TMC5: variants seen among roughly 807,000 people sequenced by gnomAD.
The protein encoded by TMC5 is transmembrane channel-like protein 5.
A neutral mutation model predicts 110.5 loss-of-function variants in TMC5; 86 were observed. The observed-to-expected ratio is 0.78, with a 90% CI of 0.65 to 0.93. The LOEUF is 0.93. Among genes scored for constraint, TMC5 ranks in the 40% least tolerant of loss-of-function variants. TMC5 has a pLI of 0.00. For missense variants in TMC5, 1,144 were observed against 1,222.8 expected, an observed-to-expected ratio of 0.94 and a Z score of 0.96; for synonymous variants, 455 against 439.5, an observed-to-expected ratio of 1.04 and a Z score of -0.44.
chr16:19,463,632 A>C, intron 7 of TMC5, 144 bp from the exon 8 acceptor site: 1 of 1,127,076 alleles, frequency 8.9e-7, no homozygotes. Context: ...TAGAGTTGAC[A>C]TAACATTTGT....
chr16:19,466,785 C>T (rs1968201460), intron 9 of TMC5, among the ~76,000 whole-genome samples: 1 of 152,068 alleles, frequency 6.6e-6, no homozygotes, highest in African/African-American at 2.4e-5. Flanking sequence ...GGTGCAGTTA[C>T]CCCAGCAATG....
upstream of TMC5, chr16:19,417,862 G>A (rs1432891466): frequency 1.3e-5 from 2 of 152,166 alleles, no homozygotes; most frequent in African/African-American, 2.4e-5. Flanking sequence ...GGCATAAAAC[G>A]GCAATGAGCT....
At chr16:19,413,442 T>C (rs1030679884), upstream of TMC5, among the ~76,000 whole-genome samples, 13 of 146,762 alleles carry the variant, frequency 8.9e-5, no homozygotes, top group African/African-American at 2.5e-4. Context: ...AAGAATTGCT[T>C]GAGCCCGGGA....
At chr16:19,487,151 G>A in intron 16 of TMC5, 42 bp from the exon 17 acceptor site, 1 of 1,603,796 alleles carries the variant, frequency 6.2e-7, no homozygotes, top group Non-Finnish European at 8.5e-7. Flanking sequence ...CTCTGCCGCT[G>A]CTCCGGCTGC....
At chr16:19,481,332 G>A (rs756369997) in intron 14 of TMC5, 38 bp from the exon 15 acceptor site, 3 of 1,408,124 alleles carry the variant, frequency 2.1e-6, no homozygotes, top group Non-Finnish European at 3.0e-6. Flanking sequence ...GAAAGTGGGA[G>A]TTATGGTTTG....
intron 5 of TMC5, among the ~76,000 whole-genome samples, chr16:19,455,960 C>T (rs1289120716): frequency 6.6e-6 from 1 of 152,168 alleles, no homozygotes; most frequent in Non-Finnish European, 1.5e-5. Context: ...GTAATCCCAG[C>T]ACTTTGGGAG....
chr16:19,440,281 A>G lies in TMC5; in HGVS notation c.243A>G (p.Pro81=). ...EPNYPRSLSN[P]DYSGTRSNAY... ...ATTATCCTAGATCTCTGAGTAATCC[A>G]GACTATTCTGGCACCAGAAGCAATG... Residue 81 remains proline, a synonymous_variant, in exon 3 of 22, where the codon CCA becomes CCG. Transcript: ENST00000542583. The G allele has an allele frequency of 6.2e-7, 1 of 1,614,166 alleles. No individual in the cohort carries two copies. Among genetic ancestry groups the G allele is most frequent in the Non-Finnish European group, 8.5e-7 (1 of 1,180,018 alleles).
chr16:19,446,001 C>T (rs1179032689), intron 4 of TMC5, among the ~76,000 whole-genome samples: 7 of 144,004 alleles, frequency 4.9e-5, no homozygotes, highest in Admixed American at 1.4e-4. Context: ...AGTGACAAAG[C>T]GAGACCCTGT....
At position 19,431,894 on chromosome 16, in the gene TMC5, G is replaced by A. The variant is rs539665542; in HGVS notation, c.-80+1254G>A. ...TTCCATGGTATTCCACTGTGCAGAT[G>A]TCCTGTGACTGATTCAGCCCATCCC... On this transcript the variant is annotated intron_variant, in intron 2 of 21. Coordinates refer to ENST00000542583, the MANE Select transcript of TMC5 (RefSeq NM_001261841.2). Among the ~76,000 whole-genome samples, 74 of 152,290 alleles carry A rather than the reference G, an allele frequency of 4.9e-4. 1 individual carries two copies. The South Asian group carries it at 0.013, about 27-fold the overall frequency.
rs772440996 is a variant in TMC5, at chr16:19,490,468, G to A, written c.2647G>A (p.Asp883Asn). 4.3e-6 allele frequency: 7 copies of A among 1,613,942 alleles called. No individual in the cohort carries two copies. The highest frequency in any genetic ancestry group is 4.5e-5 in the East Asian group (2 of 44,878). Residue 883 changes from aspartate (D) to asparagine (N), a missense_variant, in exon 18 of 22, where the codon GAC becomes AAC. Physicochemically the swap from Asp to Asn is conservative, Grantham distance 23 (BLOSUM62 1). Coordinates refer to ENST00000542583, the MANE Select transcript of TMC5 (RefSeq NM_001261841.2). ...CATTCACTCCATCTACAGCTGGATC[G>A]ACACCCTAAGTACACGGCCTGGCTA... ...LFIHSIYSWIDTLSTRPGYLW... is the reference protein window; with the variant it reads ...LFIHSIYSWINTLSTRPGYLW...
At position 19,492,912 on chromosome 16, in the gene TMC5, T is replaced by TTAGA. The variant is rs1555486829; in HGVS notation, c.2826+687_2826+690dup. 8.5e-4 allele frequency among the ~76,000 whole-genome samples: 47 copies of TTAGA among 55,472 alleles called. 2 individuals carry two copies. The highest frequency in any genetic ancestry group is 1.2e-3 in the Non-Finnish European group (23 of 18,658). 36.4% of individuals were successfully genotyped at this position (55,472 alleles called of 152,430 possible). On this transcript the variant is annotated intron_variant, in intron 19 of 21. Coordinates refer to ENST00000542583, the MANE Select transcript of TMC5 (RefSeq NM_001261841.2). ...TATATTATTTTTTATTTATTAAAAC[T>TTAGA]TAGATATATATATATATATATCTCT...
chr16:19,470,013 G>A (rs191800486), intron 10 of TMC5, among the ~76,000 whole-genome samples, 188 bp downstream of exon 10: 54 of 151,392 alleles, frequency 3.6e-4, no homozygotes, highest in Middle Eastern at 3.4e-3. Flanking sequence ...TCCTGCCTCA[G>A]CCTCCCGAGT....
chr16:19,439,016 T>A (rs1163469869), intron 2 of TMC5, among the ~76,000 whole-genome samples: 1 of 152,198 alleles, frequency 6.6e-6, no homozygotes, highest in Non-Finnish European at 1.5e-5. Flanking sequence ...TGGTTACAGC[T>A]CAGCATTTGC....
chr16:19,444,309 G>A, intron 4 of TMC5, 59 bp downstream of exon 4: 1 of 1,522,270 alleles, frequency 6.6e-7, no homozygotes, highest in South Asian at 1.2e-5. Context: ...ACTGGATTTA[G>A]GGGTGCAATC....
chr16:19,481,407 C>T lies in TMC5; in HGVS notation c.2305C>T (p.Gln769Ter). 1 of 1,614,098 alleles carries T rather than the reference C, an allele frequency of 6.2e-7. No individual in the cohort carries two copies. The highest frequency in any genetic ancestry group is 8.5e-7 in the Non-Finnish European group (1 of 1,179,970). The change falls in exon 15 of 22, where the codon CAG becomes TAG. Residue 769 changes from glutamine to a stop codon, truncating the protein, a stop_gained. Coordinates refer to ENST00000542583, the MANE Select transcript of TMC5 (RefSeq NM_001261841.2). LOFTEE classifies it high-confidence loss of function. Reference protein sequence around the residue: ...GMQLITSLGLQEFDIARNVLE... With the variant: ...GMQLITSLGL ...GCAACTGATCACAAGTCTTGGCCTT[C>T]AGGAGTTTGACATTGCCAGGAACGT...
chr16:19,462,722 G>A (rs1299762489), intron 6 of TMC5, among the ~76,000 whole-genome samples: 3 of 151,852 alleles, frequency 2.0e-5, no homozygotes, highest in Non-Finnish European at 4.4e-5. Context: ...CAACATGGTG[G>A]AAACCCCATC....
chr16:19,473,705 C>T (rs999169908), intron 11 of TMC5, among the ~76,000 whole-genome samples: 12 of 152,204 alleles, frequency 7.9e-5, no homozygotes, highest in African/African-American at 2.2e-4. Context: ...CCTAGCCGGG[C>T]GCGATGGCTC....
intron 2 of TMC5, among the ~76,000 whole-genome samples, chr16:19,435,983 C>A (rs1177682874): frequency 6.6e-6 from 1 of 152,100 alleles, no homozygotes; most frequent in Admixed American, 6.6e-5. Flanking sequence ...AGTTTCTGGC[C>A]AGGCACGGTG....
chr16:19,457,261 G>A (rs1429981056), intron 5 of TMC5, among the ~76,000 whole-genome samples: 4 of 152,132 alleles, frequency 2.6e-5, no homozygotes, highest in Admixed American at 2.0e-4. Context: ...AGGCATGATG[G>A]TGCACACCTG....
Sources: gnomAD v4.1 joint callset for allele counts (sites outside exome capture counted in the v4.1 genomes callset) on GRCh38, gnomAD v4.1.1 for gene constraint, MANE v1.5 for transcripts, NCBI Gene and HGNC (gene_info 2026-07-23, HGNC 2026-07-21) for gene names.